Variants in PEAK1 observed in about 807,000 individuals in gnomAD.
The protein encoded by PEAK1 is inactive tyrosine-protein kinase PEAK1.
PEAK1 carries 54 observed loss-of-function variants against 124.7 expected under a neutral mutation model. That is an observed-to-expected ratio of 0.43 (90% CI 0.35 to 0.54). The LOEUF is 0.54. PEAK1 is among the 20% of genes least tolerant of loss of function. The probability of loss-of-function intolerance (pLI) is 0.01; values close to 1 mark genes in which losing one functional copy is unlikely to be tolerated. For synonymous variants in PEAK1, 719 were observed against 760.0 expected (o/e 0.95, Z 0.89); for missense variants, 2,046 against 2,134.5 (o/e 0.96, Z 0.82).
At chr15:77,129,060 A>T (rs1208468477) in intron 9 of PEAK1, among the ~76,000 whole-genome samples, 5 of 152,220 alleles carry the variant, frequency 3.3e-5, no homozygotes, top group Non-Finnish European at 7.3e-5. Flanking sequence ...AAATGAGGTC[A>T]TAAGCATAGG....
At chr15:77,188,031 G>T (rs906202906) in intron 6 of PEAK1, among the ~76,000 whole-genome samples, 3 of 152,100 alleles carry the variant, frequency 2.0e-5, no homozygotes, top group Non-Finnish European at 2.9e-5. Context: ...GGTGGGGAGA[G>T]GAAGTGAAAG....
rs140687053 is a variant in PEAK1 at position 77,300,020 on chromosome 15, G to A, written c.-602-13516C>T. On this transcript the variant is annotated intron_variant, in intron 2 of 9. Coordinates refer to ENST00000682557, the MANE Select transcript of PEAK1 (RefSeq NM_001385026.1). ...TTTAGATATAATCCCCTCATTCTTC[G>A]AGCTCTACTTTACTTTCTGGTACAG... Among the ~76,000 whole-genome samples the A allele has an allele frequency of 3.8e-3, 572 of 152,160 alleles. 6 individuals are homozygous for A. Among genetic ancestry groups the A allele is most frequent in the African/African-American group, 0.013 (522 of 41,484 alleles).
chr15:77,418,727 GT>G (rs1416985356), intron 1 of PEAK1: 1 of 985,270 alleles, frequency 1.0e-6, no homozygotes. Context: ...CTCATGGAAA[GT>G]TTTACCCCGG....
chr15:77,407,200 A>T (rs188965427), intron 1 of PEAK1, among the ~76,000 whole-genome samples: 50 of 152,342 alleles, frequency 3.3e-4, no homozygotes, highest in African/African-American at 1.2e-3. Context: ...CCTTCTAGAT[A>T]TTGGCTTAGG....
intron 6 of PEAK1, among the ~76,000 whole-genome samples, chr15:77,237,574 A>C (rs542516013): frequency 6.6e-6 from 1 of 151,934 alleles, no homozygotes; most frequent in East Asian, 1.9e-4. Flanking sequence ...CTGAATGTTT[A>C]TCTCTACATA....
intron 6 of PEAK1, among the ~76,000 whole-genome samples, chr15:77,251,408 C>T (rs1180554937): frequency 1.3e-5 from 2 of 151,870 alleles, no homozygotes; most frequent in Non-Finnish European, 2.9e-5. Flanking sequence ...TTATAACTCC[C>T]AATTCTTTCG....
intron 1 of PEAK1, among the ~76,000 whole-genome samples, chr15:77,371,897 A>T (rs1369644426): frequency 6.6e-6 from 1 of 152,228 alleles, no homozygotes; most frequent in African/African-American, 2.4e-5. Flanking sequence ...AAAATAAATA[A>T]AACTAAAAAC....
intron 5 of PEAK1, among the ~76,000 whole-genome samples, chr15:77,270,877 C>T (rs2061994408): frequency 6.6e-6 from 1 of 152,084 alleles, no homozygotes; most frequent in Admixed American, 6.6e-5. Context: ...TGGGCAAGGA[C>T]TTCATGTCTA....
chr15:77,262,980 G>C lies in PEAK1; in HGVS notation c.-274-10454C>G, dbSNP rs534848665. On this transcript the variant is annotated intron_variant, in intron 5 of 9. Coordinates refer to ENST00000682557, the MANE Select transcript of PEAK1 (RefSeq NM_001385026.1). ...AAAACCACTCAGCTACATGGAAACT[G>C]AACAACCTGCTCCTGAATGACTACT... Among the ~76,000 whole-genome samples the C allele has an allele frequency of 4.6e-5, 7 of 152,242 alleles. No homozygotes were observed. The East Asian group carries it at 1.2e-3, about 25-fold the overall frequency.
intron 2 of PEAK1, among the ~76,000 whole-genome samples, chr15:77,324,539 A>G (rs898933271): frequency 6.6e-6 from 1 of 152,228 alleles, no homozygotes; most frequent in African/African-American, 2.4e-5. Flanking sequence ...ACTTTGCTAT[A>G]AAGAAATAAC....
At chr15:77,210,232 A>G (rs1031100462) in intron 6 of PEAK1, among the ~76,000 whole-genome samples, 9 of 152,248 alleles carry the variant, frequency 5.9e-5, no homozygotes, top group African/African-American at 1.2e-4. Flanking sequence ...TATAGTTTCC[A>G]TATATACCAG....
At chr15:77,420,788 C>G (rs2142246421), upstream of PEAK1, 1 of 398,486 alleles carries the variant, frequency 2.5e-6, no homozygotes, top group Admixed American at 4.4e-5. Context: ...ATTGTAAATG[C>G]TATGCGGTAA....
intron 2 of PEAK1, among the ~76,000 whole-genome samples, chr15:77,342,125 T>A (rs2141342518): frequency 6.7e-6 from 1 of 150,012 alleles, no homozygotes; most frequent in East Asian, 1.9e-4. Context: ...GAACAGTTAT[T>A]GAATGACTGG....
chr15:77,180,487 C>T lies in PEAK1; in HGVS notation c.1440G>A (p.Val480=), dbSNP rs1279291125. ...GGTGCTCACTGGCCATGGCTGCTGA[C>T]ACATCCACGACAGTATATGGCTTGC... ...PLCKPYTVVD[V]SAAMASEHLE... Residue 480 remains valine, a synonymous_variant, in exon 7 of 10, where the codon GTG becomes GTA. Transcript: ENST00000682557. 2 of 1,613,990 alleles carry T rather than the reference C, an allele frequency of 1.2e-6. No homozygotes were observed. Among genetic ancestry groups the T allele is most frequent in the African/African-American group, 1.3e-5 (1 of 74,880 alleles).
intron 7 of PEAK1, among the ~76,000 whole-genome samples, chr15:77,175,420 A>C (rs2056793806): frequency 6.6e-6 from 1 of 151,400 alleles, no homozygotes. Context: ...AAAACAAACA[A>C]CCCCATCAAA....
At chr15:77,307,627 T>A (rs1284414755) in intron 2 of PEAK1, among the ~76,000 whole-genome samples, 1 of 152,050 alleles carries the variant, frequency 6.6e-6, no homozygotes, top group Non-Finnish European at 1.5e-5. Context: ...CTGTATACAA[T>A]TTCCTCTCTA....
At chr15:77,413,176 G>A (rs1348845374) in intron 1 of PEAK1, among the ~76,000 whole-genome samples, 1 of 152,206 alleles carries the variant, frequency 6.6e-6, no homozygotes, top group Non-Finnish European at 1.5e-5. Context: ...ACAGGATACT[G>A]GCAAAGCCTC....
At position 77,183,572 on chromosome 15, in the gene PEAK1, C is replaced by A. The variant is rs2057390613; in HGVS notation, c.-114-1532G>T. 3.9e-5 allele frequency among the ~76,000 whole-genome samples: 6 copies of A among 151,982 alleles called. No individual in the cohort carries two copies. In the South Asian group the frequency reaches 1.2e-3, roughly 32 times the overall value. ...ATCCTCCCCAAAATGGAATTTCATT[C>A]TTCTCACTAGCAAACCTCTGTTATA... On this transcript the variant is annotated intron_variant, in intron 6 of 9. Transcript: ENST00000682557.
At chr15:77,288,511 A>C (rs755241210) in intron 2 of PEAK1, among the ~76,000 whole-genome samples, 7 of 152,236 alleles carry the variant, frequency 4.6e-5, no homozygotes, top group Admixed American at 1.3e-4. Context: ...ACTAATGACA[A>C]AGCAGCATAC....
Sources: allele counts gnomAD v4.1 joint callset (sites outside exome capture counted in the v4.1 genomes callset), GRCh38; gene constraint gnomAD v4.1.1; transcripts MANE v1.5; gene names NCBI Gene and HGNC (gene_info 2026-07-23, HGNC 2026-07-21).